The following GALNT10 variants were observed in gnomAD, a reference collection of about 807,000 sequenced individuals.
The protein encoded by GALNT10 is GalNAc transferase 10.
In GALNT10, 41 loss-of-function variants were observed where a neutral mutation model predicts 75.0. That is an observed-to-expected ratio of 0.55 (90% CI 0.43 to 0.71). The LOEUF is 0.71. GALNT10 is among the 30% of genes least tolerant of loss of function. The pLI, the probability that GALNT10 is intolerant of heterozygous loss-of-function variation, is 0.00. For synonymous variants in GALNT10, 302 were observed against 313.0 expected (o/e 0.96, Z 0.37); for missense variants, 727 against 818.5 (o/e 0.89, Z 1.36).
intron 1 of GALNT10, among the ~76,000 whole-genome samples, chr5:154,292,081 T>G (rs1754202398): frequency 6.6e-6 from 1 of 152,240 alleles, no homozygotes; most frequent in Non-Finnish European, 1.5e-5. Context: ...GCCACCAGGT[T>G]GTTTGCCAGT....
chr5:154,197,379 G>C (rs2113639627), intron 1 of GALNT10, among the ~76,000 whole-genome samples: 1 of 152,270 alleles, frequency 6.6e-6, no homozygotes, highest in Admixed American at 6.5e-5. Context: ...CTCTTAGCTG[G>C]AGGAGGTGGA....
chr5:154,376,858 A>G lies in GALNT10; in HGVS notation c.754+396A>G, dbSNP rs546375552. Among the ~76,000 whole-genome samples, 1 of 152,316 alleles carries G rather than the reference A, an allele frequency of 6.6e-6. No individual in the cohort carries two copies. Among genetic ancestry groups the G allele is most frequent in the African/African-American group, 2.4e-5 (1 of 41,570 alleles). ...AAGAGTTACCATAGACTGTGCTGCC[A>G]CTGTGAGCCAGGCAGTTATAAGCAT... is the stretch of plus-strand genomic sequence containing the variant. On this transcript the variant is annotated intron_variant, in intron 5 of 11. Transcript: ENST00000297107. The surrounding 1 kb of genome is among the most constrained non-coding windows in gnomAD (Gnocchi z 4.1).
chr5:154,249,448 A>G (rs781557733), intron 1 of GALNT10, among the ~76,000 whole-genome samples: 3 of 152,184 alleles, frequency 2.0e-5, no homozygotes, highest in Non-Finnish European at 2.9e-5. Flanking sequence ...TAAATCAAGC[A>G]AAATGGGTGG....
intron 4 of GALNT10, among the ~76,000 whole-genome samples, chr5:154,363,114 A>G (rs1223419180): frequency 6.6e-6 from 1 of 152,218 alleles, no homozygotes; most frequent in Non-Finnish European, 1.5e-5. Flanking sequence ...GTACTGTTAT[A>G]GAAAGATGAT....
intron 1 of GALNT10, among the ~76,000 whole-genome samples, chr5:154,219,832 TCTCTCTCACA>T (rs1297532359): frequency 2.4e-4 from 19 of 80,222 alleles, no homozygotes; most frequent in African/African-American, 5.8e-4. Flanking sequence ...TCTCTCTCTC[TCTCTCTCACA>T]CACACACACA....
At chr5:154,256,786 A>G (rs1362718571) in intron 1 of GALNT10, among the ~76,000 whole-genome samples, 1 of 152,104 alleles carries the variant, frequency 6.6e-6, no homozygotes, top group Non-Finnish European at 1.5e-5. Flanking sequence ...TACAGGCTTC[A>G]ACAGATGTCT....
At chr5:154,324,736 T>G (rs1418481694) in intron 3 of GALNT10, among the ~76,000 whole-genome samples, 2 of 152,094 alleles carry the variant, frequency 1.3e-5, no homozygotes, top group African/African-American at 4.8e-5. Context: ...GAATCCGCAT[T>G]TCTAACAAGA....
chr5:154,323,425 C>T (rs1754705898), intron 3 of GALNT10, among the ~76,000 whole-genome samples: 1 of 152,094 alleles, frequency 6.6e-6, no homozygotes, highest in Admixed American at 6.5e-5. Flanking sequence ...CAAAAACAGG[C>T]TGCCGGATTT....
chr5:154,413,339 C>T (rs1406851735), intron 10 of GALNT10, among the ~76,000 whole-genome samples: 1 of 152,218 alleles, frequency 6.6e-6, no homozygotes, highest in Non-Finnish European at 1.5e-5. Context: ...CTGCGGGCCT[C>T]ATTCTCAACC....
At chr5:154,383,416 G>C (rs989427985) in intron 6 of GALNT10, among the ~76,000 whole-genome samples, 1 of 152,234 alleles carries the variant, frequency 6.6e-6, no homozygotes, top group Admixed American at 6.5e-5. Flanking sequence ...ATCTCCGTCT[G>C]TAAAGGAGAC....
chr5:154,413,989 C>T (rs1756453152), intron 10 of GALNT10, among the ~76,000 whole-genome samples: 1 of 151,894 alleles, frequency 6.6e-6, no homozygotes, highest in Admixed American at 6.6e-5. Flanking sequence ...TTAAAGCGGG[C>T]AGATACTTTA....
chr5:154,407,738 A>T (rs578013228), intron 8 of GALNT10, among the ~76,000 whole-genome samples: 1 of 152,316 alleles, frequency 6.6e-6, no homozygotes, highest in South Asian at 2.1e-4. Flanking sequence ...CACAGTTTTA[A>T]ATTAAACACA....
chr5:154,286,180 A>G (rs1371472348), intron 1 of GALNT10, among the ~76,000 whole-genome samples: 5 of 152,112 alleles, frequency 3.3e-5, no homozygotes, highest in Admixed American at 3.3e-4. Context: ...ACCACCACAC[A>G]TACTTCTATA....
intron 5 of GALNT10, among the ~76,000 whole-genome samples, chr5:154,378,260 A>G (rs947581739): frequency 3.3e-5 from 5 of 152,172 alleles, no homozygotes; most frequent in African/African-American, 1.2e-4. Flanking sequence ...CATTTCTGAG[A>G]CTGAGAAGGA....
At chr5:154,202,026 C>T (rs548923526) in intron 1 of GALNT10, among the ~76,000 whole-genome samples, 1 of 152,176 alleles carries the variant, frequency 6.6e-6, no homozygotes, top group African/African-American at 2.4e-5. Context: ...CAGAATGTAT[C>T]TTCCTATTAT....
chr5:154,215,951 A>C (rs1387687972), intron 1 of GALNT10, among the ~76,000 whole-genome samples: 2 of 152,296 alleles, frequency 1.3e-5, no homozygotes, highest in East Asian at 3.9e-4. Flanking sequence ...GTATATAAAG[A>C]TTTATTTGAA....
chr5:154,219,832 T>TCACACACA (rs775014222), intron 1 of GALNT10, among the ~76,000 whole-genome samples: 50 of 80,218 alleles, frequency 6.2e-4, no homozygotes, highest in East Asian at 2.2e-3. Flanking sequence ...TCTCTCTCTC[T>TCACACACA]CTCTCTCACA....
At chr5:154,384,139 A>G (rs886248351) in intron 6 of GALNT10, among the ~76,000 whole-genome samples, 30 of 151,874 alleles carry the variant, frequency 2.0e-4, no homozygotes, top group African/African-American at 7.3e-4. Flanking sequence ...TGATTCCATT[A>G]CCTCCCACCA....
intron 10 of GALNT10, among the ~76,000 whole-genome samples, chr5:154,414,250 C>T (rs758362982): frequency 1.3e-5 from 2 of 152,134 alleles, no homozygotes; most frequent in African/African-American, 2.4e-5. Flanking sequence ...AGTCATCCCA[C>T]TCCTAGGTAT....
Sources: allele counts gnomAD v4.1 joint callset (sites outside exome capture counted in the v4.1 genomes callset), GRCh38; gene constraint gnomAD v4.1.1; non-coding constraint Gnocchi (gnomAD v3.1); transcripts MANE v1.5; gene names NCBI Gene and HGNC (gene_info 2026-07-23, HGNC 2026-07-21).